Variants in ASTN2 observed in about 807,000 individuals in gnomAD.
ASTN2 encodes astrotactin 2.
ASTN2 carries 54 observed loss-of-function variants against 139.8 expected under a neutral mutation model. The observed-to-expected ratio is 0.39, with a 90% CI of 0.31 to 0.48. The LOEUF (loss-of-function observed/expected upper bound fraction) is 0.48. Ranked by LOEUF, ASTN2 falls within the 20% of genes least tolerant of loss-of-function variation. ASTN2 has a pLI of 0.95. For synonymous variants in ASTN2, 756 were observed against 719.5 expected, an observed-to-expected ratio of 1.05 and a Z score of -0.81; for missense variants, 1,565 against 1,725.1, an observed-to-expected ratio of 0.91 and a Z score of 1.64.
At chr9:116,718,219 GA>G (rs979942129) in intron 16 of ASTN2, among the ~76,000 whole-genome samples, 6 of 151,514 alleles carry the variant, frequency 4.0e-5, no homozygotes, top group Non-Finnish European at 8.8e-5. Context: ...GCAAAAATGG[GA>G]AAAAAAAATC....
At chr9:116,605,557 T>C (rs1333246387) in intron 19 of ASTN2, among the ~76,000 whole-genome samples, 1 of 152,168 alleles carries the variant, frequency 6.6e-6, no homozygotes, top group African/African-American at 2.4e-5. Flanking sequence ...CTTCTTGTCC[T>C]CACTCTTCTG....
At chr9:116,875,138 A>G (rs1192283251) in intron 10 of ASTN2, among the ~76,000 whole-genome samples, 1 of 152,210 alleles carries the variant, frequency 6.6e-6, no homozygotes, top group Non-Finnish European at 1.5e-5. Flanking sequence ...TGAGGAAGGT[A>G]TGTGGAAAGC....
Position 116,699,924 on chromosome 9 carries a change from T to C in ASTN2, c.2806+25847A>G. 6 of 654,492 alleles carry C rather than the reference T, an allele frequency of 9.2e-6. No homozygotes were observed. Among genetic ancestry groups the C allele is most frequent in the South Asian group, 2.0e-5 (1 of 49,840 alleles). 40.5% of individuals were successfully genotyped at this position (654,492 alleles called of 1,614,324 possible). A position where few individuals can be genotyped will look rare whatever the true frequency, so the allele number is the denominator to read the frequency against. ...AGCTTTAAAAGATGCACTGCCCAAA[T>C]AGGACACACGATGGTGTTAGCTGAA... On this transcript the variant is annotated intron_variant, in intron 16 of 22. Coordinates refer to ENST00000313400, the MANE Select transcript of ASTN2 (RefSeq NM_001365068.1). The surrounding 1 kb of genome is among the most constrained non-coding windows in gnomAD (Gnocchi z 4.2).
chr9:117,317,643 G>C (rs1335411), intron 1 of ASTN2, among the ~76,000 whole-genome samples: 62,758 of 151,982 alleles, frequency 0.41, 13,249 homozygotes, highest in East Asian at 0.48. Flanking sequence ...CAAGCCCAGG[G>C]CTCTTTTTAA....
intron 4 of ASTN2, among the ~76,000 whole-genome samples, chr9:117,123,008 A>G (rs60765873): frequency 0.18 from 27,189 of 152,108 alleles, 2,753 homozygotes; most frequent in Non-Finnish European, 0.23. Context: ...GACCTCCAGG[A>G]TACCCCTGGC....
chr9:117,108,724 T>C (rs1829171446), intron 4 of ASTN2, among the ~76,000 whole-genome samples: 1 of 152,214 alleles, frequency 6.6e-6, no homozygotes, highest in Non-Finnish European at 1.5e-5. Flanking sequence ...AAACTGGCTG[T>C]GTGACCTTGC....
intron 18 of ASTN2, 125 bp downstream of exon 18, chr9:116,620,185 C>T: frequency 3.7e-6 from 5 of 1,365,874 alleles, no homozygotes; most frequent in Non-Finnish European, 5.0e-6. Flanking sequence ...AGGTAGATTC[C>T]AGGGTCTTTG....
At chr9:116,623,173 GT>G (rs1856258829) in intron 17 of ASTN2, among the ~76,000 whole-genome samples, 1 of 80,434 alleles carries the variant, frequency 1.2e-5, no homozygotes, top group African/African-American at 3.1e-5. Flanking sequence ...GTGTGTGTGT[GT>G]GTGTGTGTGT....
intron 16 of ASTN2, among the ~76,000 whole-genome samples, chr9:116,722,271 G>C (rs1405175643): frequency 1.3e-5 from 2 of 151,358 alleles, no homozygotes; most frequent in Non-Finnish European, 2.9e-5. Flanking sequence ...AAAAAATACA[G>C]AGAAAAAGCA....
At chr9:117,219,774 C>T (rs539187524) in intron 2 of ASTN2, among the ~76,000 whole-genome samples, 1 of 152,292 alleles carries the variant, frequency 6.6e-6, no homozygotes, top group African/African-American at 2.4e-5. Context: ...CTGGAACCTT[C>T]CCTATTACAA....
intron 5 of ASTN2, among the ~76,000 whole-genome samples, chr9:117,053,883 T>C (rs1838982766): frequency 6.6e-6 from 1 of 152,208 alleles, no homozygotes; most frequent in Non-Finnish European, 1.5e-5. Flanking sequence ...GTCTTTTGTT[T>C]TTATTTTTTA....
At chr9:116,580,787 A>G (rs79133143) in intron 19 of ASTN2, among the ~76,000 whole-genome samples, 2 of 152,152 alleles carry the variant, frequency 1.3e-5, no homozygotes, top group Non-Finnish European at 2.9e-5. Context: ...TCCAGACCTC[A>G]TGAAAGGTAT....
At chr9:116,615,485 A>T (rs1245415072) in intron 19 of ASTN2, among the ~76,000 whole-genome samples, 1 of 152,110 alleles carries the variant, frequency 6.6e-6, no homozygotes, top group Non-Finnish European at 1.5e-5. Flanking sequence ...CAAATGTCCA[A>T]CAATGATAGA....
chr9:117,286,518 C>T (rs1834454954), intron 2 of ASTN2, among the ~76,000 whole-genome samples: 1 of 152,042 alleles, frequency 6.6e-6, no homozygotes, highest in Non-Finnish European at 1.5e-5. Context: ...ATAAGGATAC[C>T]AACACTAAAA....
At chr9:116,657,282 A>G (rs1178982513) in intron 16 of ASTN2, among the ~76,000 whole-genome samples, 3 of 152,130 alleles carry the variant, frequency 2.0e-5, no homozygotes, top group Admixed American at 1.3e-4. Flanking sequence ...GTACCAACCT[A>G]AAAGAGTTAT....
At chr9:117,211,700 G>A (rs142601047) in intron 3 of ASTN2, among the ~76,000 whole-genome samples, 17 of 152,140 alleles carry the variant, frequency 1.1e-4, no homozygotes, top group East Asian at 5.8e-4. Flanking sequence ...AAAAAAATTC[G>A]GAAAAGTTCT....
At chr9:116,993,871 TA>T (rs1836934073) in intron 7 of ASTN2, among the ~76,000 whole-genome samples, 1 of 142,096 alleles carries the variant, frequency 7.0e-6, no homozygotes, top group African/African-American at 2.6e-5. Context: ...TATATATATA[TA>T]TATATTTTAA....
intron 1 of ASTN2, among the ~76,000 whole-genome samples, chr9:117,365,225 AAAAG>A (rs896724856): frequency 6.6e-6 from 1 of 151,440 alleles, no homozygotes. Context: ...GAAGGAAGGA[AAAAG>A]AAAGCAAGAA....
intron 19 of ASTN2, among the ~76,000 whole-genome samples, chr9:116,600,323 C>CAAAAAAAAAAAAAAAAAAA (rs35224783): frequency 8.4e-6 from 1 of 118,944 alleles, no homozygotes; most frequent in Non-Finnish European, 1.7e-5. Context: ...GACCCTGTCT[C>CAAAAAAAAAAAAAAAAAAA]AAAAAAAAAA....
Sources: allele counts gnomAD v4.1 joint callset (sites outside exome capture counted in the v4.1 genomes callset), GRCh38; gene constraint gnomAD v4.1.1; non-coding constraint Gnocchi (gnomAD v3.1); transcripts MANE v1.5; gene names NCBI Gene and HGNC (gene_info 2026-07-23, HGNC 2026-07-21).